The following WDR70 variants were observed in gnomAD, a reference collection of about 807,000 sequenced individuals.
The protein encoded by WDR70 is WD repeat domain 70.
A neutral mutation model predicts 88.6 loss-of-function variants in WDR70; 53 were observed. The observed-to-expected ratio is 0.60, with a 90% CI of 0.48 to 0.75. The LOEUF is 0.75. WDR70 is among the 30% of genes least tolerant of loss of function. The pLI, the probability that WDR70 is intolerant of heterozygous loss-of-function variation, is 0.00. For missense variants in WDR70, 610 were observed against 823.2 expected, an observed-to-expected ratio of 0.74 and a Z score of 3.17; for synonymous variants, 280 against 270.0, an observed-to-expected ratio of 1.04 and a Z score of -0.36.
chr5:37,564,746 A>G (rs1742687579), intron 9 of WDR70, among the ~76,000 whole-genome samples: 1 of 152,234 alleles, frequency 6.6e-6, no homozygotes, highest in African/African-American at 2.4e-5. Context: ...TTGGTATGAC[A>G]ATTATATAGG....
intron 9 of WDR70, among the ~76,000 whole-genome samples, chr5:37,537,559 G>T (rs540166380): frequency 2.9e-4 from 44 of 152,108 alleles, no homozygotes; most frequent in Admixed American, 7.2e-4. Flanking sequence ...GTTTAAAATG[G>T]GCAATTAGCA....
intron 5 of WDR70, among the ~76,000 whole-genome samples, chr5:37,407,274 C>T (rs1749381221): frequency 6.6e-6 from 1 of 152,120 alleles, no homozygotes; most frequent in Non-Finnish European, 1.5e-5. Flanking sequence ...GTAATCCCAG[C>T]ACTTGGGGAG....
chr5:37,576,330 A>G (rs910572290), intron 9 of WDR70, among the ~76,000 whole-genome samples: 1 of 151,658 alleles, frequency 6.6e-6, no homozygotes, highest in Non-Finnish European at 1.5e-5. Flanking sequence ...TGTTTGTTCT[A>G]CTTCCTGGTG....
intron 10 of WDR70, among the ~76,000 whole-genome samples, chr5:37,677,573 A>G (rs200333201): frequency 0.057 from 8,681 of 152,114 alleles, 324 homozygotes; most frequent in South Asian, 0.15. Context: ...CCTGAGTTCT[A>G]GTTTGATTGC....
At chr5:37,712,598 T>C (rs1019170613) in intron 13 of WDR70, among the ~76,000 whole-genome samples, 1 of 152,252 alleles carries the variant, frequency 6.6e-6, no homozygotes, top group Non-Finnish European at 1.5e-5. Context: ...ATCAGAAGTC[T>C]AATCATTACT....
chr5:37,502,613 C>A (rs1740439006), intron 8 of WDR70, among the ~76,000 whole-genome samples: 1 of 151,994 alleles, frequency 6.6e-6, no homozygotes, highest in African/African-American at 2.4e-5. Flanking sequence ...GCATATTAGG[C>A]CACTCTTGCA....
intron 8 of WDR70, chr5:37,505,638 AT>A: frequency 2.6e-6 from 2 of 776,674 alleles, no homozygotes; most frequent in Non-Finnish European, 2.4e-6. Context: ...AAGAAAAGTG[AT>A]AAGGAAAATG....
chr5:37,406,903 T>G (rs1175670282), intron 5 of WDR70, among the ~76,000 whole-genome samples: 2 of 152,190 alleles, frequency 1.3e-5, no homozygotes, highest in Non-Finnish European at 1.5e-5. Flanking sequence ...AAACTAAAAT[T>G]ATCAAGACTG....
chr5:37,557,422 G>GT (rs1241868704), intron 9 of WDR70, among the ~76,000 whole-genome samples: 1 of 152,150 alleles, frequency 6.6e-6, no homozygotes, highest in Non-Finnish European at 1.5e-5. Flanking sequence ...TTGAGACACT[G>GT]TTTTTGTATG....
chr5:37,598,535 A>G (rs987486612), intron 9 of WDR70, among the ~76,000 whole-genome samples: 1 of 152,190 alleles, frequency 6.6e-6, no homozygotes, highest in African/African-American at 2.4e-5. Flanking sequence ...AGATATTTCC[A>G]TTTATTTCAG....
At chr5:37,556,439 C>G (rs1476753000) in intron 9 of WDR70, among the ~76,000 whole-genome samples, 1 of 152,154 alleles carries the variant, frequency 6.6e-6, no homozygotes, top group African/African-American at 2.4e-5. Context: ...GGTTTCTCTT[C>G]TAGCTCTGAT....
chr5:37,595,406 A>G (rs182099007), intron 9 of WDR70, among the ~76,000 whole-genome samples: 98 of 152,338 alleles, frequency 6.4e-4, no homozygotes, highest in African/African-American at 2.3e-3. Context: ...GTATTTATAC[A>G]TTGAAAACCA....
At chr5:37,544,895 A>C (rs996839252) in intron 9 of WDR70, among the ~76,000 whole-genome samples, 3 of 152,188 alleles carry the variant, frequency 2.0e-5, no homozygotes, top group Admixed American at 6.5e-5. Flanking sequence ...TTATAATGTC[A>C]ATATAATTAT....
intron 5 of WDR70, among the ~76,000 whole-genome samples, chr5:37,426,656 A>G (rs1414478065): frequency 2.6e-5 from 4 of 152,322 alleles, no homozygotes; most frequent in Admixed American, 6.5e-5. Context: ...CAGTGTATCC[A>G]GACTTCTTAC....
intron 10 of WDR70, among the ~76,000 whole-genome samples, chr5:37,633,837 A>G (rs1381906439): frequency 6.6e-6 from 1 of 152,178 alleles, no homozygotes; most frequent in Non-Finnish European, 1.5e-5. Context: ...CTAAATCTAC[A>G]TGCTTACACA....
chr5:37,701,058 G>A lies in WDR70; in HGVS notation c.1193G>A (p.Gly398Asp), dbSNP rs1477099606. The A allele has an allele frequency of 6.2e-7, 1 of 1,603,242 alleles. No homozygotes were observed. Among genetic ancestry groups the A allele is most frequent in the Non-Finnish European group, 8.5e-7 (1 of 1,170,954 alleles). ...TTTTTTCCCCTCATTCCTCTGTCAG[G>A]TGACGATTCATTAAAATTATGGGAC... is the stretch of plus-strand genomic sequence containing the variant. Reference protein sequence around the residue: ...YDGNVLASRGGDDSLKLWDIR... With the variant: ...YDGNVLASRGDDDSLKLWDIR... The change falls in exon 12 of 18, where the codon GGT becomes GAT. Residue 398 changes from glycine to aspartate, a missense_variant and splice_region_variant. Coordinates refer to ENST00000265107, the MANE Select transcript of WDR70 (RefSeq NM_018034.4).
At chr5:37,673,164 G>T (rs912084677) in intron 10 of WDR70, among the ~76,000 whole-genome samples, 4 of 152,044 alleles carry the variant, frequency 2.6e-5, no homozygotes, top group African/African-American at 4.8e-5. Flanking sequence ...TTGGTTTTCT[G>T]TTCCTGTGTT....
intron 9 of WDR70, among the ~76,000 whole-genome samples, chr5:37,559,690 CA>C (rs1430899898): frequency 6.6e-6 from 1 of 151,888 alleles, no homozygotes; most frequent in African/African-American, 2.4e-5. Flanking sequence ...ACTAAAAATA[CA>C]AAAATTAGCT....
rs549584987 is a variant in WDR70 at position 37,449,740 on chromosome 5, T to TTTA, written c.686+6383_686+6385dup. Among the ~76,000 whole-genome samples, 30 of 152,102 alleles carry TTTA rather than the reference T, an allele frequency of 2.0e-4. 1 individual carries two copies. In the South Asian group the frequency reaches 5.0e-3, roughly 25 times the overall value. ...ATATTAGCAAATAAGATCTAGGTTC[T>TTTA]TTATTATTATTATTATTTTTACTAT... On this transcript the variant is annotated intron_variant, in intron 7 of 17. Transcript: ENST00000265107.
Sources: gnomAD v4.1 joint callset for allele counts (sites outside exome capture counted in the v4.1 genomes callset) on GRCh38, gnomAD v4.1.1 for gene constraint, MANE v1.5 for transcripts, NCBI Gene and HGNC (gene_info 2026-07-23, HGNC 2026-07-21) for gene names.